DYM: variants seen among roughly 807,000 people sequenced by gnomAD.
The protein encoded by DYM is dyggve-Melchior-Clausen syndrome protein.
A neutral mutation model predicts 93.1 loss-of-function variants in DYM; 78 were observed. That is an observed-to-expected ratio of 0.84 (90% CI 0.70 to 1.01). The LOEUF (loss-of-function observed/expected upper bound fraction) is 1.01, where lower values mean the gene tolerates loss of function less well. DYM is among the 50% of genes least tolerant of loss of function. The probability of loss-of-function intolerance (pLI) is 0.00; values close to 1 mark genes in which losing one functional copy is unlikely to be tolerated. For missense variants in DYM, 789 were observed against 845.0 expected (o/e 0.93, Z 0.82); for synonymous variants, 321 against 319.7 (o/e 1.00, Z -0.04).
chr18:49,379,536 T>C (rs1033913632), intron 4 of DYM, 129 bp downstream of exon 4: 1 of 829,858 alleles, frequency 1.2e-6, no homozygotes, highest in Non-Finnish European at 1.9e-6. Flanking sequence ...TCTACCTTTT[T>C]TTCTTAATAA....
chr18:49,084,181 T>G (rs1356885234), intron 17 of DYM, among the ~76,000 whole-genome samples: 1 of 152,348 alleles, frequency 6.6e-6, no homozygotes, highest in East Asian at 1.9e-4. Context: ...GCTGTATTTA[T>G]ATTTTCATTT....
rs1309413812 is a variant in DYM, at chr18:49,234,398, G to A, written c.1460+22612C>T. Reference sequence around the variant, plus strand: ...CTTGAGCCCGGGAAGGGGAGATTGCGGTGAGCCAAGATTGTGCCACCACAC... The same window carrying A: ...CTTGAGCCCGGGAAGGGGAGATTGCAGTGAGCCAAGATTGTGCCACCACAC... On this transcript the variant is annotated intron_variant, in intron 13 of 17. Coordinates refer to ENST00000675505, the MANE Select transcript of DYM (RefSeq NM_001353214.3). 4.6e-5 allele frequency among the ~76,000 whole-genome samples: 7 copies of A among 150,732 alleles called. No homozygotes were observed. In the Middle Eastern group the frequency reaches 0.014, roughly 301 times the overall value.
intron 13 of DYM, among the ~76,000 whole-genome samples, chr18:49,237,495 A>T (rs887547469): frequency 6.6e-6 from 1 of 152,220 alleles, no homozygotes; most frequent in African/African-American, 2.4e-5. Flanking sequence ...TTGGAAGCAG[A>T]CATTATATTA....
intron 6 of DYM, among the ~76,000 whole-genome samples, chr18:49,356,414 A>G (rs188974594): frequency 3.9e-5 from 6 of 152,284 alleles, no homozygotes; most frequent in Admixed American, 1.3e-4. Context: ...CTTTGATTCA[A>G]TCGATGCCTT....
chr18:49,192,413 T>G (rs565982948), intron 14 of DYM, among the ~76,000 whole-genome samples: 1 of 152,242 alleles, frequency 6.6e-6, no homozygotes, highest in Non-Finnish European at 1.5e-5. Context: ...TCAGGTCTTA[T>G]GCTGAAGATG....
intron 17 of DYM, among the ~76,000 whole-genome samples, chr18:49,070,868 C>T (rs930415527): frequency 3.3e-4 from 50 of 152,262 alleles, no homozygotes; most frequent in African/African-American, 1.2e-3. Flanking sequence ...ACTGTGAGAA[C>T]ACCATAAATA....
rs1475555144 is a variant in DYM, at chr18:49,043,690, C to T, written c.*365G>A. The T allele has an allele frequency of 8.1e-6, 2 of 247,322 alleles. No individual in the cohort carries two copies. Among genetic ancestry groups the T allele is most frequent in the Non-Finnish European group, 1.6e-5 (2 of 126,812 alleles). The allele number at this position is 247,322 out of a possible 1,614,324, so 15.3% of individuals were successfully genotyped here. On this transcript the variant is annotated 3_prime_UTR_variant, in exon 18 of 18. Transcript: ENST00000675505. Reference sequence around the variant, plus strand: ...AGTCTACGCTTTTGAATAGTGTGCACTGTTGAATAGTGTGCACTGTTGGAT... The same window carrying T: ...AGTCTACGCTTTTGAATAGTGTGCATTGTTGAATAGTGTGCACTGTTGGAT...
chr18:49,408,145 A>G (rs2071745020), intron 2 of DYM, among the ~76,000 whole-genome samples: 2 of 152,162 alleles, frequency 1.3e-5, no homozygotes, highest in Non-Finnish European at 2.9e-5. Flanking sequence ...ACATTTTAAA[A>G]TATATATACA....
chr18:49,047,885 C>A (rs924563205), intron 17 of DYM, among the ~76,000 whole-genome samples: 13 of 152,148 alleles, frequency 8.5e-5, no homozygotes, highest in Non-Finnish European at 1.9e-4. Flanking sequence ...TACATCATGC[C>A]GTCTGAAGCT....
chr18:49,460,223 C>G (rs1386772210), intron 1 of DYM, among the ~76,000 whole-genome samples, 175 bp downstream of exon 1: 1 of 152,198 alleles, frequency 6.6e-6, no homozygotes, highest in Non-Finnish European at 1.5e-5. Flanking sequence ...GCTGTCAGCA[C>G]AGCCCCTCCG....
At chr18:49,318,951 C>A (rs1599390818) in intron 8 of DYM, among the ~76,000 whole-genome samples, 1 of 151,526 alleles carries the variant, frequency 6.6e-6, no homozygotes, top group Non-Finnish European at 1.5e-5. Context: ...CAGGCACCTG[C>A]CACCACGCCC....
intron 17 of DYM, among the ~76,000 whole-genome samples, chr18:49,073,607 C>A (rs529295053): frequency 2.0e-5 from 3 of 152,264 alleles, no homozygotes; most frequent in Non-Finnish European, 4.4e-5. Flanking sequence ...CTTGGCCTGG[C>A]AGTAAGGAAG....
intron 16 of DYM, among the ~76,000 whole-genome samples, chr18:49,103,444 T>C (rs1568425151): frequency 6.6e-6 from 1 of 152,234 alleles, no homozygotes; most frequent in African/African-American, 2.4e-5. Flanking sequence ...ATTTTAGCTT[T>C]TGTTGCCATT....
At chr18:49,264,827 A>T (rs1019646372) in intron 11 of DYM, among the ~76,000 whole-genome samples, 6 of 152,224 alleles carry the variant, frequency 3.9e-5, no homozygotes. Context: ...AGAGTAGTAC[A>T]TTGAACAAAT....
intron 6 of DYM, among the ~76,000 whole-genome samples, chr18:49,336,477 A>G (rs919674330): frequency 6.6e-5 from 10 of 152,176 alleles, no homozygotes; most frequent in Non-Finnish European, 1.5e-4. Flanking sequence ...CCAGCACATA[A>G]GAATACTGAA....
At chr18:49,196,332 G>T (rs1413812486) in intron 14 of DYM, among the ~76,000 whole-genome samples, 1 of 152,046 alleles carries the variant, frequency 6.6e-6, no homozygotes, top group Non-Finnish European at 1.5e-5. Flanking sequence ...GAGCAAGTCT[G>T]CAAAAAGTTA....
chr18:49,327,605 C>G (rs571607318), intron 8 of DYM, among the ~76,000 whole-genome samples: 1 of 152,134 alleles, frequency 6.6e-6, no homozygotes, highest in Non-Finnish European at 1.5e-5. Context: ...GATCCACCCA[C>G]GTCAGCCTCC....
intron 13 of DYM, among the ~76,000 whole-genome samples, chr18:49,210,142 A>C (rs1225545179): frequency 6.6e-6 from 1 of 152,254 alleles, no homozygotes; most frequent in Non-Finnish European, 1.5e-5. Context: ...TTTGGAATGC[A>C]GTTCGGCAGT....
At chr18:49,140,925 C>G (rs1004176744) in intron 15 of DYM, among the ~76,000 whole-genome samples, 1 of 152,162 alleles carries the variant, frequency 6.6e-6, no homozygotes. Context: ...TTGCCAAATC[C>G]AATGTATGTG....
Sources: allele counts gnomAD v4.1 joint callset (sites outside exome capture counted in the v4.1 genomes callset), GRCh38; gene constraint gnomAD v4.1.1; transcripts MANE v1.5; gene names NCBI Gene and HGNC (gene_info 2026-07-23, HGNC 2026-07-21).